Variants in GALNT13 observed in about 807,000 individuals in gnomAD.
GALNT13 encodes UDP-GalNAc:polypeptide N-acetylgalactosaminyltransferase 13.
GALNT13 carries 28 observed loss-of-function variants against 64.2 expected under a neutral mutation model. The observed-to-expected ratio is 0.44, with a 90% confidence interval of 0.32 to 0.60. The LOEUF (loss-of-function observed/expected upper bound fraction) is 0.60. Ranked by LOEUF, GALNT13 falls within the 20% of genes least tolerant of loss-of-function variation. The pLI is 0.05. For synonymous variants in GALNT13, 214 were observed against 224.6 expected, an observed-to-expected ratio of 0.95 and a Z score of 0.42; for missense variants, 577 against 669.8, an observed-to-expected ratio of 0.86 and a Z score of 1.53.
chr2:154,053,005 T>A (rs1699719376), intron 3 of GALNT13, among the ~76,000 whole-genome samples: 1 of 152,132 alleles, frequency 6.6e-6, no homozygotes, highest in Non-Finnish European at 1.5e-5. Flanking sequence ...TCTCCCAAAG[T>A]GCTGGGATAT....
At chr2:153,873,304 T>C (rs1255356446) in intron 1 of GALNT13, among the ~76,000 whole-genome samples, 1 of 152,186 alleles carries the variant, frequency 6.6e-6, no homozygotes, top group African/African-American at 2.4e-5. Context: ...CGCAGCAGGC[T>C]CCCCTTGCCG....
chr2:154,230,468 A>G (rs1384442318), intron 4 of GALNT13, among the ~76,000 whole-genome samples: 1 of 152,060 alleles, frequency 6.6e-6, no homozygotes, highest in African/African-American at 2.4e-5. Context: ...GTGTTCTTTT[A>G]CTTTTATTAT....
intron 2 of GALNT13, among the ~76,000 whole-genome samples, chr2:153,916,793 G>A (rs1433204583): frequency 1.3e-5 from 2 of 152,102 alleles, no homozygotes; most frequent in Non-Finnish European, 2.9e-5. Context: ...AGAGTACAAA[G>A]GCAACTAACC....
At chr2:153,829,597 T>C in the GALNT13 span, among the ~76,000 whole-genome samples, 1 of 152,078 alleles carries the variant, frequency 6.6e-6, no homozygotes, top group Non-Finnish European at 1.5e-5. Flanking sequence ...CAATTCAAGA[T>C]GAGATTTGGG....
the GALNT13 span, among the ~76,000 whole-genome samples, chr2:153,499,402 C>G: frequency 6.6e-6 from 1 of 152,130 alleles, no homozygotes; most frequent in Middle Eastern, 3.2e-3. Context: ...GAAAAAGTCC[C>G]GTAAGTTCTC....
the GALNT13 span, among the ~76,000 whole-genome samples, chr2:153,191,723 A>G: frequency 6.6e-6 from 1 of 150,536 alleles, no homozygotes; most frequent in Admixed American, 6.6e-5. Flanking sequence ...TTTTTTTGAA[A>G]CCGATTCAAT....
chr2:153,523,498 G>T, the GALNT13 span, among the ~76,000 whole-genome samples: 2 of 152,146 alleles, frequency 1.3e-5, no homozygotes, highest in Non-Finnish European at 2.9e-5. Context: ...TCTTTCATCA[G>T]AGTTTTATAG....
the GALNT13 span, among the ~76,000 whole-genome samples, chr2:153,736,766 C>A: frequency 1.3e-5 from 2 of 152,042 alleles, no homozygotes; most frequent in Non-Finnish European, 2.9e-5. Context: ...CTTGTTTCTT[C>A]CTTCCTTCTT....
the GALNT13 span, among the ~76,000 whole-genome samples, chr2:153,095,874 C>T: frequency 1.1e-4 from 16 of 150,144 alleles, no homozygotes; most frequent in East Asian, 2.0e-4. Context: ...CATCACACAC[C>T]GGGGCCTGTC....
chr2:153,863,194 G>A, the GALNT13 span, among the ~76,000 whole-genome samples: 1 of 152,054 alleles, frequency 6.6e-6, no homozygotes, highest in Non-Finnish European at 1.5e-5. Flanking sequence ...AGTACATTAT[G>A]TTACATATAA....
chr2:153,277,908 C>CTTTTCTTTTTT, the GALNT13 span, among the ~76,000 whole-genome samples: 1 of 69,584 alleles, frequency 1.4e-5, no homozygotes, highest in Non-Finnish European at 3.3e-5. Context: ...TTTCTTTTTT[C>CTTTTCTTTTTT]TTTTGTTTTC....
At chr2:153,172,305 A>C in the GALNT13 span, among the ~76,000 whole-genome samples, 1 of 152,160 alleles carries the variant, frequency 6.6e-6, no homozygotes, top group Non-Finnish European at 1.5e-5. Flanking sequence ...TTCGTTTTTC[A>C]TACAGTGGAG....
At position 154,301,503 on chromosome 2, in the gene GALNT13, C is replaced by G. The variant is rs770689177; in HGVS notation, c.1070C>G (p.Thr357Ser). The G allele has an allele frequency of 5.0e-6, 8 of 1,613,580 alleles. No homozygotes were observed. The East Asian group carries it at 1.3e-4, about 27-fold the overall frequency. ...KATPYTFPGG[T>S]GHVINKNNRR... ...ACTCCATACACTTTTCCTGGTGGCA[C>G]TGGTCATGTCATCAACAAGAACAAC... is the stretch of plus-strand genomic sequence containing the variant. Residue 357 changes from threonine (T) to serine (S), a missense_variant, in exon 9 of 13, where the codon ACT (threonine) becomes AGT (serine). Thr to Ser is a moderately conservative substitution (Grantham distance 58). Coordinates refer to ENST00000392825, the MANE Select transcript of GALNT13 (RefSeq NM_052917.4).
chr2:153,528,011 A>C, the GALNT13 span, among the ~76,000 whole-genome samples: 1 of 152,014 alleles, frequency 6.6e-6, no homozygotes, highest in African/African-American at 2.4e-5. Flanking sequence ...GAAGGAAAGC[A>C]AGAAGGGAGG....
At chr2:153,651,086 C>A in the GALNT13 span, among the ~76,000 whole-genome samples, 1 of 151,946 alleles carries the variant, frequency 6.6e-6, no homozygotes, top group African/African-American at 2.4e-5. Context: ...CGGCATTGTC[C>A]CTATAATTAA....
chr2:153,614,527 G>T, the GALNT13 span, among the ~76,000 whole-genome samples: 2 of 151,936 alleles, frequency 1.3e-5, no homozygotes, highest in Non-Finnish European at 2.9e-5. Flanking sequence ...AGAGAAAGTG[G>T]GTCAGCTTCC....
the GALNT13 span, among the ~76,000 whole-genome samples, chr2:153,107,660 T>C: frequency 2.6e-5 from 4 of 152,176 alleles, no homozygotes; most frequent in African/African-American, 9.7e-5. Flanking sequence ...TATTTGCCTT[T>C]GGAAGATGTC....
At chr2:153,852,705 G>T in the GALNT13 span, among the ~76,000 whole-genome samples, 1 of 152,214 alleles carries the variant, frequency 6.6e-6, no homozygotes. Context: ...CACAATGTAA[G>T]TGGTATAACC....
chr2:153,738,946 C>T, the GALNT13 span, among the ~76,000 whole-genome samples: 5 of 151,884 alleles, frequency 3.3e-5, no homozygotes, highest in South Asian at 2.1e-4. Flanking sequence ...AAACTAACCA[C>T]TTAGCTTCTA....
Sources: gnomAD v4.1 joint callset for allele counts (sites outside exome capture counted in the v4.1 genomes callset) on GRCh38, gnomAD v4.1.1 for gene constraint, MANE v1.5 for transcripts, NCBI Gene and HGNC (gene_info 2026-07-23, HGNC 2026-07-21) for gene names.